Variants in BTG3 observed in about 807,000 individuals in gnomAD.
The protein encoded by BTG3 is protein BTG3.
A neutral mutation model predicts 25.8 loss-of-function variants in BTG3; 4 were observed. The ratio of observed to expected loss-of-function variants is 0.16; its 90% CI spans 0.08 to 0.36. The LOEUF (loss-of-function observed/expected upper bound fraction) is 0.36. Among genes scored for constraint, BTG3 ranks in the 10% least tolerant of loss-of-function variants. The pLI is 1.00. For synonymous variants in BTG3, 107 were observed against 99.9 expected (o/e 1.07, Z -0.42); for missense variants, 201 against 304.9 (o/e 0.66, Z 2.54).
At chr21:17,612,512 G>C (rs1270385123) in intron 1 of BTG3, 187 bp downstream of exon 1, 1 of 152,072 alleles carries the variant, frequency 6.6e-6, no homozygotes, top group African/African-American at 2.4e-5. Context: ...CCGCCCTCGC[G>C]GCCCGCAGCC....
chr21:17,604,838 GC>G (rs747191180), intron 3 of BTG3, 21 bp downstream of exon 3: 1 of 1,607,996 alleles, frequency 6.2e-7, no homozygotes, highest in South Asian at 1.1e-5. Flanking sequence ...CATCAGTTCA[GC>G]CTCTAAACTT....
rs1469758510 is a variant in BTG3, at chr21:17,612,827, C to G, written c.-137G>C. 1.3e-5 allele frequency: 2 copies of G among 152,182 alleles called. No homozygotes were observed. Among genetic ancestry groups the G allele is most frequent in the Admixed American group, 1.3e-4 (2 of 15,282 alleles). The allele number at this position is 152,182 out of a possible 1,614,324, so 9.4% of individuals were successfully genotyped here. ...GGAGCGCAGCGAGCCTCGTCCGGCG[C>G]GTGCGGCTCCCGCGTCGTCGGGCGG... On this transcript the variant is annotated 5_prime_UTR_variant, in exon 1 of 5. Transcript: ENST00000348354.
chr21:17,600,867 A>T (rs959277228), intron 3 of BTG3, among the ~76,000 whole-genome samples: 2 of 152,044 alleles, frequency 1.3e-5, no homozygotes, highest in East Asian at 3.9e-4. Flanking sequence ...TTTACCTCAT[A>T]AAAGTTGCTA....
At chr21:17,605,607 A>G (rs1385020195) in intron 2 of BTG3, among the ~76,000 whole-genome samples, 2 of 152,232 alleles carry the variant, frequency 1.3e-5, no homozygotes, top group African/African-American at 4.8e-5. Context: ...CTATTTACCC[A>G]AGCACTTTTA....
In BTG3 at chr21:17,593,903, A is replaced by C. The variant is rs1301734429; in HGVS notation, c.*190T>G. The C allele has an allele frequency of 5.5e-6, 4 of 726,680 alleles. No homozygotes were observed. The African/African-American group carries it at 7.3e-5, about 13-fold the overall frequency. 45.0% of individuals were successfully genotyped at this position (726,680 alleles called of 1,614,324 possible). On this transcript the variant is annotated 3_prime_UTR_variant, in exon 5 of 5. Coordinates refer to ENST00000348354, the MANE Select transcript of BTG3 (RefSeq NM_006806.5). Reference sequence around the variant, plus strand: ...TTGACTAACTTTAATAAAATTTCTCAAACTATATCAATATCTAAAGTGCAT... The same window carrying C: ...TTGACTAACTTTAATAAAATTTCTCCAACTATATCAATATCTAAAGTGCAT...
Position 17,604,889 on chromosome 21 carries a change from G to A in BTG3, c.282C>T (p.Leu94=), listed in dbSNP as rs777241092. Residue 94 remains leucine, a synonymous_variant, in exon 3 of 5, where the codon CTC becomes CTT. Transcript: ENST00000348354. The part of the protein sequence containing the change: ...SDLGLPKELT[L]WVDPCEVCCR... ...AGCACACCTCACATGGGTCCACCCAGAGAGTGAGCTCCTTTGGCAAGCCCA... is the reference window on the plus strand; with the variant it reads ...AGCACACCTCACATGGGTCCACCCAAAGAGTGAGCTCCTTTGGCAAGCCCA... 2 of 1,614,178 alleles carry A rather than the reference G, an allele frequency of 1.2e-6. No homozygotes were observed. Among genetic ancestry groups the A allele is most frequent in the Non-Finnish European group, 1.7e-6 (2 of 1,180,028 alleles).
chr21:17,604,748 T>G (rs2061618096), intron 3 of BTG3, 112 bp downstream of exon 3: 1 of 1,325,012 alleles, frequency 7.5e-7, no homozygotes, highest in Non-Finnish European at 1.0e-6. Context: ...CTGAGAGAGT[T>G]AAACCACCAG....
intron 3 of BTG3, among the ~76,000 whole-genome samples, chr21:17,601,108 A>G (rs1042554663): frequency 6.6e-6 from 1 of 151,922 alleles, no homozygotes; most frequent in Non-Finnish European, 1.5e-5. Context: ...GGTTGCAGTG[A>G]GCTGAGATCG....
At chr21:17,600,133 TG>T (rs2061554268) in intron 3 of BTG3, among the ~76,000 whole-genome samples, 1 of 152,152 alleles carries the variant, frequency 6.6e-6, no homozygotes, top group African/African-American at 2.4e-5. Flanking sequence ...CATATGCTGC[TG>T]GTTACTTAAA....
At chr21:17,598,497 G>A in intron 4 of BTG3, 120 bp downstream of exon 4, 2 of 811,204 alleles carry the variant, frequency 2.5e-6, no homozygotes, top group South Asian at 3.8e-5. Flanking sequence ...CATGGGGAAA[G>A]GCAAGAACTA....
chr21:17,602,128 T>C (rs898517561), intron 3 of BTG3, among the ~76,000 whole-genome samples: 6 of 151,832 alleles, frequency 4.0e-5, no homozygotes, highest in African/African-American at 9.7e-5. Context: ...TAACACTCTA[T>C]TGGGGGAAAA....
chr21:17,595,778 C>T (rs548264565), intron 4 of BTG3, among the ~76,000 whole-genome samples: 6 of 152,022 alleles, frequency 3.9e-5, no homozygotes, highest in South Asian at 2.1e-4. Context: ...GGCATATTTT[C>T]GTTTCTTTTG....
Position 17,593,881 on chromosome 21 carries a change from A to C in BTG3, c.*212T>G, listed in dbSNP as rs900151319. 2 of 604,924 alleles carry C rather than the reference A, an allele frequency of 3.3e-6. No individual in the cohort carries two copies. The highest frequency in any genetic ancestry group is 5.4e-6 in the Non-Finnish European group (2 of 373,646). The allele number at this position is 604,924 out of a possible 1,614,324, so 37.5% of individuals were successfully genotyped here. On this transcript the variant is annotated 3_prime_UTR_variant, in exon 5 of 5. Coordinates refer to ENST00000348354, the MANE Select transcript of BTG3 (RefSeq NM_006806.5). Reference sequence around the variant, plus strand: ...CCAATATTAAAAACTTAGGCACTTGACTAACTTTAATAAAATTTCTCAAAC... The same window carrying C: ...CCAATATTAAAAACTTAGGCACTTGCCTAACTTTAATAAAATTTCTCAAAC...
Position 17,594,133 on chromosome 21 carries a change from C to T in BTG3, c.719G>A (p.Arg240Gln), listed in dbSNP as rs750988183. ...CATGTGAGGATTAATCCAGTGATTC[C>T]GGTCACAATGCATTCCAGGAGGAGG... ...WVPPPGMHCDRNHWINPHMLA... is the reference protein window; with the variant it reads ...WVPPPGMHCDQNHWINPHMLA... The change falls in exon 5 of 5, where the codon CGG becomes CAG. Residue 240 changes from arginine (R) to glutamine (Q), a missense_variant. By Grantham distance (43) the Arg-to-Gln change is conservative. Coordinates refer to ENST00000348354, the MANE Select transcript of BTG3 (RefSeq NM_006806.5). The T allele has an allele frequency of 1.4e-5, 22 of 1,612,932 alleles. No individual in the cohort carries two copies. Among genetic ancestry groups the T allele is most frequent in the African/African-American group, 9.4e-5 (7 of 74,844 alleles).
chr21:17,604,831 C>G, intron 3 of BTG3, 29 bp downstream of exon 3: 1 of 1,599,694 alleles, frequency 6.3e-7, no homozygotes, highest in Non-Finnish European at 8.5e-7. Context: ...GCATGGTCAT[C>G]AGTTCAGCCT....
chr21:17,608,389 C>G (rs1458197482), intron 2 of BTG3, among the ~76,000 whole-genome samples: 2 of 151,644 alleles, frequency 1.3e-5, no homozygotes, highest in African/African-American at 4.8e-5. Context: ...AAAAAAACTC[C>G]CAGAAAAGCA....
At chr21:17,602,003 CGA>C (rs2061580310) in intron 3 of BTG3, among the ~76,000 whole-genome samples, 1 of 152,056 alleles carries the variant, frequency 6.6e-6, no homozygotes, top group Non-Finnish European at 1.5e-5. Flanking sequence ...AATGTGCAGT[CGA>C]TATCTTAGGA....
chr21:17,600,178 A>G (rs991234635), intron 3 of BTG3, among the ~76,000 whole-genome samples: 5 of 152,310 alleles, frequency 3.3e-5, no homozygotes, highest in South Asian at 2.1e-4. Context: ...ATAGTGTAAT[A>G]AACTCAAGTA....
In BTG3 at chr21:17,594,245, T is replaced by G; in HGVS notation, c.607A>C (p.Asn203His). ...PGMYRGNGHQ[N>H]HYPPPVPFGY... ...AATGGAACAGGAGGAGGATAGTGATTCTGATGGCCATTCCCTCGATACATT... is the reference window on the plus strand; with the variant it reads ...AATGGAACAGGAGGAGGATAGTGATGCTGATGGCCATTCCCTCGATACATT... The change falls in exon 5 of 5, where the codon AAT becomes CAT. Residue 203 changes from asparagine (N) to histidine (H), a missense_variant. By Grantham distance (68) the Asn-to-His change is moderately conservative. This residue lies in a region of BTG3 where 131 missense variants were observed against 129.3 expected (regional missense o/e 1.01). Coordinates refer to ENST00000348354, the MANE Select transcript of BTG3 (RefSeq NM_006806.5). 3 of 1,613,372 alleles carry G rather than the reference T, an allele frequency of 1.9e-6. No homozygotes were observed. The highest frequency in any genetic ancestry group is 1.7e-6 in the Non-Finnish European group (2 of 1,179,440).
Sources: allele counts gnomAD v4.1 joint callset (sites outside exome capture counted in the v4.1 genomes callset), GRCh38; gene constraint gnomAD v4.1.1; regional missense constraint gnomAD v4.1.1; transcripts MANE v1.5; gene names NCBI Gene and HGNC (gene_info 2026-07-23, HGNC 2026-07-21).